LRRC4C: variants seen among roughly 807,000 people sequenced by gnomAD.
LRRC4C encodes the protein leucine-rich repeat-containing protein 4C.
Under a neutral mutation model 33.6 loss-of-function variants are expected in LRRC4C, and 5 were observed. That is an observed-to-expected ratio of 0.15 (90% confidence interval 0.08 to 0.31). The LOEUF (loss-of-function observed/expected upper bound fraction) is 0.31. Ranked by LOEUF, LRRC4C falls within the 10% of genes least tolerant of loss-of-function variation. The probability of loss-of-function intolerance (pLI) is 1.00; values close to 1 mark genes in which losing one functional copy is unlikely to be tolerated. For missense variants in LRRC4C, 560 were observed against 796.7 expected (o/e 0.70, Z 3.58); for synonymous variants, 329 against 302.0 (o/e 1.09, Z -0.93).
intron 1 of LRRC4C, among the ~76,000 whole-genome samples, chr11:41,439,828 T>G (rs1359824414): frequency 1.3e-5 from 2 of 152,142 alleles, no homozygotes; most frequent in Non-Finnish European, 2.9e-5. Context: ...ATGGCTTTGA[T>G]GGGTTTTGTT....
intron 2 of LRRC4C, among the ~76,000 whole-genome samples, chr11:40,731,960 C>T (rs1947606255): frequency 6.6e-6 from 1 of 151,736 alleles, no homozygotes; most frequent in Non-Finnish European, 1.5e-5. Flanking sequence ...TTGCATGGAC[C>T]TTTTTTGAAA....
chr11:40,634,282 G>T (rs936627316), intron 3 of LRRC4C, among the ~76,000 whole-genome samples: 1 of 152,164 alleles, frequency 6.6e-6, no homozygotes, highest in Non-Finnish European at 1.5e-5. Context: ...TATGCTTAAA[G>T]AAGCTTCGCT....
chr11:41,304,441 T>C (rs1218036027), intron 1 of LRRC4C, among the ~76,000 whole-genome samples: 1 of 37,580 alleles, frequency 2.7e-5, no homozygotes, highest in African/African-American at 1.0e-4. Flanking sequence ...GTCTGGGAGG[T>C]GAGGGGCGCC....
At chr11:40,708,248 C>G (rs927151908) in intron 2 of LRRC4C, among the ~76,000 whole-genome samples, 1 of 152,002 alleles carries the variant, frequency 6.6e-6, no homozygotes, top group Non-Finnish European at 1.5e-5. Context: ...TTCTTGCCTT[C>G]TGCTAGCTTT....
intron 1 of LRRC4C, among the ~76,000 whole-genome samples, chr11:41,212,479 G>A (rs1051714776): frequency 6.6e-6 from 1 of 152,216 alleles, no homozygotes; most frequent in African/African-American, 2.4e-5. Flanking sequence ...AGGTAAACAT[G>A]TGCCATGGCA....
At chr11:40,595,154 T>A (rs559107689) in intron 3 of LRRC4C, among the ~76,000 whole-genome samples, 8 of 152,028 alleles carry the variant, frequency 5.3e-5, no homozygotes, top group African/African-American at 1.7e-4. Flanking sequence ...ACTTTATTTA[T>A]GGTGCTCAAA....
intron 3 of LRRC4C, among the ~76,000 whole-genome samples, chr11:40,533,890 G>C (rs1352465480): frequency 6.6e-6 from 1 of 152,070 alleles, no homozygotes; most frequent in East Asian, 1.9e-4. Flanking sequence ...TCCTTCAACT[G>C]CAAAATGAGG....
chr11:40,287,256 A>ATGTGTGTG (rs5791367), intron 4 of LRRC4C, among the ~76,000 whole-genome samples: 1,454 of 144,854 alleles, frequency 0.01, 13 homozygotes, highest in African/African-American at 0.03. Flanking sequence ...ATGTCACTGT[A>ATGTGTGTG]TGTGTGTGTG....
At chr11:40,462,104 G>T (rs1043659164) in intron 3 of LRRC4C, among the ~76,000 whole-genome samples, 1 of 151,886 alleles carries the variant, frequency 6.6e-6, no homozygotes. Flanking sequence ...GTTTGTAAAT[G>T]GCCCCAAATG....
chr11:41,435,887 A>T (rs983516660), intron 1 of LRRC4C, among the ~76,000 whole-genome samples: 37 of 152,338 alleles, frequency 2.4e-4, no homozygotes, highest in African/African-American at 8.9e-4. Context: ...TAATTTTTAC[A>T]TATCTCTGTA....
chr11:40,698,665 T>G (rs543275698), intron 2 of LRRC4C, among the ~76,000 whole-genome samples: 1 of 152,268 alleles, frequency 6.6e-6, no homozygotes, highest in African/African-American at 2.4e-5. Flanking sequence ...ATTTTCTTGC[T>G]GCTGATAAAG....
At chr11:40,539,251 G>T (rs150808739) in intron 3 of LRRC4C, among the ~76,000 whole-genome samples, 1 of 152,098 alleles carries the variant, frequency 6.6e-6, no homozygotes, top group African/African-American at 2.4e-5. Flanking sequence ...CATTTCACAT[G>T]CTTCACCATT....
chr11:41,349,753 G>A (rs75759559), intron 1 of LRRC4C, among the ~76,000 whole-genome samples: 1,749 of 152,218 alleles, frequency 0.011, 38 homozygotes, highest in African/African-American at 0.04. Context: ...AACTCTAAAT[G>A]CCACAGTGTC....
intron 1 of LRRC4C, among the ~76,000 whole-genome samples, chr11:41,060,638 A>G (rs1282588567): frequency 6.6e-6 from 1 of 152,196 alleles, no homozygotes; most frequent in African/African-American, 2.4e-5. Flanking sequence ...TAGAGCCCCC[A>G]TCTCCAAATA....
intron 3 of LRRC4C, among the ~76,000 whole-genome samples, chr11:40,393,589 T>C (rs1949420501): frequency 6.6e-6 from 1 of 152,146 alleles, no homozygotes; most frequent in South Asian, 2.1e-4. Context: ...ACAGGATAAC[T>C]CGGTACTTAA....
intron 1 of LRRC4C, among the ~76,000 whole-genome samples, chr11:40,949,880 T>C (rs1264185012): frequency 6.6e-6 from 1 of 152,044 alleles, no homozygotes; most frequent in Non-Finnish European, 1.5e-5. Flanking sequence ...TAACTTTAAA[T>C]GTAAAGGGAC....
chr11:40,171,446 T>C (rs1328622906), intron 5 of LRRC4C, among the ~76,000 whole-genome samples: 1 of 152,192 alleles, frequency 6.6e-6, no homozygotes, highest in African/African-American at 2.4e-5. Context: ...CAGGATTGTT[T>C]GCTAAATATA....
At chr11:40,260,297 C>T (rs1443270119) in intron 4 of LRRC4C, among the ~76,000 whole-genome samples, 2 of 139,932 alleles carry the variant, frequency 1.4e-5, no homozygotes, top group South Asian at 2.5e-4. Context: ...AGTAAATTAT[C>T]ACAAGAACAA....
At chr11:40,983,959 G>A (rs1226233586) in intron 1 of LRRC4C, among the ~76,000 whole-genome samples, 1 of 152,048 alleles carries the variant, frequency 6.6e-6, no homozygotes, top group African/African-American at 2.4e-5. Context: ...ATTTAATTTT[G>A]TCATGGAAAT....
Sources: allele counts gnomAD v4.1 joint callset (sites outside exome capture counted in the v4.1 genomes callset), GRCh38; gene constraint gnomAD v4.1.1; transcripts MANE v1.5; gene names NCBI Gene and HGNC (gene_info 2026-07-23, HGNC 2026-07-21).